PITPNC1: variants seen among roughly 807,000 people sequenced by gnomAD.
PITPNC1 encodes the protein phosphatidylinositol transfer protein cytoplasmic 1, also known as cytoplasmic phosphatidylinositol transfer protein 1.
A neutral mutation model predicts 44.7 loss-of-function variants in PITPNC1; 18 were observed. The observed-to-expected ratio is 0.40, with a 90% CI of 0.28 to 0.60. The LOEUF (loss-of-function observed/expected upper bound fraction) is 0.60, where lower values mean the gene tolerates loss of function less well. PITPNC1 is among the 20% of genes least tolerant of loss of function. PITPNC1 has a pLI of 0.39. For synonymous variants in PITPNC1, 141 were observed against 149.6 expected, an observed-to-expected ratio of 0.94 and a Z score of 0.42; for missense variants, 290 against 418.4, an observed-to-expected ratio of 0.69 and a Z score of 2.68.
intron 5 of PITPNC1, among the ~76,000 whole-genome samples, chr17:67,611,104 A>G (rs568923720): frequency 2.0e-5 from 3 of 152,338 alleles, no homozygotes; most frequent in South Asian, 4.1e-4. Context: ...CAGTTCAACA[A>G]CAGCAAAAAA....
At chr17:67,643,366 A>G (rs1234876502) in intron 6 of PITPNC1, among the ~76,000 whole-genome samples, 1 of 152,174 alleles carries the variant, frequency 6.6e-6, no homozygotes, top group Non-Finnish European at 1.5e-5. Context: ...AGCCTGGACA[A>G]CAGAGTGAGA....
chr17:67,687,982 G>T (rs904595916), intron 8 of PITPNC1, among the ~76,000 whole-genome samples: 1 of 150,312 alleles, frequency 6.7e-6, no homozygotes, highest in Non-Finnish European at 1.5e-5. Flanking sequence ...TTTGGGTTCC[G>T]CCTTGAGTCC....
chr17:67,409,835 G>A (rs2038465614), intron 1 of PITPNC1, among the ~76,000 whole-genome samples: 1 of 152,118 alleles, frequency 6.6e-6, no homozygotes, highest in Non-Finnish European at 1.5e-5. Context: ...ACTGTGCCTG[G>A]CCCACATCAT....
chr17:67,556,411 C>T (rs759513291), intron 4 of PITPNC1, among the ~76,000 whole-genome samples: 4 of 152,152 alleles, frequency 2.6e-5, no homozygotes, highest in Non-Finnish European at 5.9e-5. Flanking sequence ...TAAGAGTGTC[C>T]CACATGTTGC....
intron 1 of PITPNC1, among the ~76,000 whole-genome samples, chr17:67,530,995 C>A (rs549827027): frequency 7.9e-5 from 12 of 152,174 alleles, no homozygotes; most frequent in Admixed American, 2.6e-4. Context: ...GTAATCCCAG[C>A]ACTTTGAGAG....
intron 5 of PITPNC1, among the ~76,000 whole-genome samples, chr17:67,595,891 T>C (rs987136625): frequency 7.2e-5 from 11 of 152,212 alleles, no homozygotes; most frequent in African/African-American, 2.7e-4. Context: ...ACCTTTGGAC[T>C]ATGCAAACCA....
At chr17:67,578,293 G>A (rs755319159) in intron 5 of PITPNC1, 36 bp downstream of exon 5, 22 of 1,436,398 alleles carry the variant, frequency 1.5e-5, no homozygotes, top group Admixed American at 1.2e-4. Context: ...CGCTCGCCTC[G>A]TGGGCTCTGA....
intron 8 of PITPNC1, among the ~76,000 whole-genome samples, chr17:67,684,597 G>A (rs2042779408): frequency 6.6e-6 from 1 of 151,844 alleles, no homozygotes; most frequent in African/African-American, 2.4e-5. Context: ...TTTTTTTAAT[G>A]TAGATAATGG....
chr17:67,652,842 G>C (rs2042224111), intron 6 of PITPNC1, among the ~76,000 whole-genome samples: 1 of 150,204 alleles, frequency 6.7e-6, no homozygotes, highest in Non-Finnish European at 1.5e-5. Flanking sequence ...TCATGTTATG[G>C]GTTTGTGTCC....
chr17:67,439,902 A>C (rs1326158573), intron 1 of PITPNC1, among the ~76,000 whole-genome samples: 1 of 152,222 alleles, frequency 6.6e-6, no homozygotes. Context: ...AGAAAAACAA[A>C]CAAACAAACA....
At chr17:67,560,403 G>T (rs536768974) in intron 4 of PITPNC1, among the ~76,000 whole-genome samples, 54 of 152,322 alleles carry the variant, frequency 3.5e-4, no homozygotes, top group African/African-American at 1.2e-3. Context: ...CAACAGTAAT[G>T]GAAGTGTTTT....
intron 5 of PITPNC1, among the ~76,000 whole-genome samples, chr17:67,601,217 A>C (rs2041535155): frequency 1.3e-5 from 2 of 152,138 alleles, no homozygotes; most frequent in African/African-American, 4.8e-5. Context: ...TTTTTTTTTA[A>C]GAGCTCCTCT....
In PITPNC1 at chr17:67,695,338, T is replaced by C. The variant is rs1366635889; in HGVS notation, c.*2450T>C. The C allele has an allele frequency of 6.6e-6, 1 of 152,144 alleles. No individual in the cohort carries two copies. Among genetic ancestry groups the C allele is most frequent in the Non-Finnish European group, 1.5e-5 (1 of 68,030 alleles). 9.4% of individuals were successfully genotyped at this position (152,144 alleles called of 1,614,324 possible). A position where few individuals can be genotyped will look rare whatever the true frequency, so the allele number is the denominator to read the frequency against. On this transcript the variant is annotated 3_prime_UTR_variant, in exon 9 of 9. Transcript: ENST00000581322. Reference sequence around the variant, plus strand: ...ATAAATGACTTCAATATTTTATATATCTTGGTTTTCAAGTATCATTTCACA... The same window carrying C: ...ATAAATGACTTCAATATTTTATATACCTTGGTTTTCAAGTATCATTTCACA...
intron 1 of PITPNC1, among the ~76,000 whole-genome samples, chr17:67,436,471 G>C (rs942564252): frequency 6.6e-6 from 1 of 152,060 alleles, no homozygotes; most frequent in East Asian, 1.9e-4. Context: ...TAAAGGTGAG[G>C]GTGAGGGAGG....
In PITPNC1 at chr17:67,692,937, GT is replaced by G. The variant is rs147971105; in HGVS notation, c.*58del. On this transcript the variant is annotated 3_prime_UTR_variant, in exon 9 of 9. Coordinates refer to ENST00000581322, the MANE Select transcript of PITPNC1 (RefSeq NM_012417.4). ...TTTTATATTTTCATTTGTTGTTGTT[GT>G]TTTTTTTTAAGAATCTTCTGATAGA... is the stretch of plus-strand genomic sequence containing the variant. The G allele has an allele frequency of 1.3e-4, 143 of 1,111,666 alleles. No homozygotes were observed. In the South Asian group the frequency reaches 1.4e-3, roughly 11 times the overall value. 68.9% of individuals were successfully genotyped at this position (1,111,666 alleles called of 1,614,324 possible).
chr17:67,401,353 G>A (rs1360294594), intron 1 of PITPNC1, among the ~76,000 whole-genome samples: 3 of 152,082 alleles, frequency 2.0e-5, no homozygotes, highest in African/African-American at 7.2e-5. Flanking sequence ...TCTTGCCTTT[G>A]GGCTTAATAC....
chr17:67,447,000 G>C (rs2039105277), intron 1 of PITPNC1, among the ~76,000 whole-genome samples: 1 of 143,650 alleles, frequency 7.0e-6, no homozygotes, highest in Non-Finnish European at 1.5e-5. Context: ...TGAGGCAGGA[G>C]AATCGCTTGA....
intron 1 of PITPNC1, among the ~76,000 whole-genome samples, chr17:67,383,804 T>C (rs1334588805): frequency 6.6e-6 from 1 of 152,186 alleles, no homozygotes. Context: ...TTTGGGAGGC[T>C]GAGGCGGGTG....
chr17:67,439,318 C>T lies in PITPNC1; in HGVS notation c.48+61116C>T, dbSNP rs192459820. On this transcript the variant is annotated intron_variant, in intron 1 of 8. Coordinates refer to ENST00000581322, the MANE Select transcript of PITPNC1 (RefSeq NM_012417.4). Reference sequence around the variant, plus strand: ...TCAAAACAGCTGTGTTTGCTATTGGCATGGCCGTCACCCTCCTAATACCTG... The same window carrying T: ...TCAAAACAGCTGTGTTTGCTATTGGTATGGCCGTCACCCTCCTAATACCTG... 2.3e-4 allele frequency among the ~76,000 whole-genome samples: 35 copies of T among 152,318 alleles called. No individual in the cohort carries two copies. In the East Asian group the frequency reaches 6.7e-3, roughly 29 times the overall value.
Sources: gnomAD v4.1 joint callset for allele counts (sites outside exome capture counted in the v4.1 genomes callset) on GRCh38, gnomAD v4.1.1 for gene constraint, MANE v1.5 for transcripts, NCBI Gene and HGNC (gene_info 2026-07-23, HGNC 2026-07-21) for gene names.